Variants in CADM2 observed in about 807,000 individuals in gnomAD.
CADM2 encodes the protein cell adhesion molecule 2.
In CADM2, 12 loss-of-function variants were observed where a neutral mutation model predicts 49.8. The observed-to-expected ratio is 0.24, with a 90% CI of 0.15 to 0.39. The LOEUF is 0.39. Ranked by LOEUF, CADM2 falls within the 10% of genes least tolerant of loss-of-function variation. CADM2 has a pLI of 1.00. For synonymous variants in CADM2, 214 were observed against 175.4 expected, an observed-to-expected ratio of 1.22 and a Z score of -1.74; for missense variants, 378 against 492.3, an observed-to-expected ratio of 0.77 and a Z score of 2.20.
At chr3:86,059,859 T>G (rs1476378780) in intron 8 of CADM2, among the ~76,000 whole-genome samples, 2 of 152,134 alleles carry the variant, frequency 1.3e-5, no homozygotes, top group Non-Finnish European at 2.9e-5. Context: ...GGAGAGGCTC[T>G]TAGTTCTAAC....
chr3:85,126,293 C>G (rs890220161), intron 1 of CADM2, among the ~76,000 whole-genome samples: 3 of 152,024 alleles, frequency 2.0e-5, no homozygotes, highest in Admixed American at 6.6e-5. Flanking sequence ...GTGTGAGGCT[C>G]TGTTCTAGGA....
At chr3:85,224,796 A>T (rs917226007) in intron 1 of CADM2, among the ~76,000 whole-genome samples, 1 of 152,078 alleles carries the variant, frequency 6.6e-6, no homozygotes, top group South Asian at 2.1e-4. Context: ...TAAGGAAGGG[A>T]TCCAGTTTCA....
intron 8 of CADM2, chr3:86,013,878 C>G (rs1202535069): frequency 6.3e-7 from 1 of 1,594,404 alleles, no homozygotes; most frequent in Non-Finnish European, 8.6e-7. Context: ...TGCTTCTAGA[C>G]TTTTAGAAAA....
intron 1 of CADM2, among the ~76,000 whole-genome samples, chr3:85,561,223 A>C (rs2062087748): frequency 8.7e-6 from 1 of 114,438 alleles, no homozygotes; most frequent in Non-Finnish European, 2.1e-5. Context: ...CTTGTCTGTG[A>C]CTATTTAACA....
rs147338799 is a variant in CADM2, at chr3:85,749,144, G to A, written c.88+22596G>A. On this transcript the variant is annotated intron_variant, in intron 2 of 9. Transcript: ENST00000383699. ...TAGTAAACAGAAAATGTCAGAACAG[G>A]TGTATACTTTTGAAACAAAAGAATT... Among the ~76,000 whole-genome samples, 88 of 151,830 alleles carry A rather than the reference G, an allele frequency of 5.8e-4. 1 individual carries two copies. The highest frequency in any genetic ancestry group is 4.3e-4 in the Non-Finnish European group (29 of 67,956).
chr3:85,791,566 G>C (rs1020899218), intron 2 of CADM2, among the ~76,000 whole-genome samples: 2 of 150,852 alleles, frequency 1.3e-5, no homozygotes, highest in African/African-American at 4.9e-5. Context: ...GAGAGAGAGA[G>C]AGAGAGAAAA....
At chr3:85,148,953 C>T (rs1018197690) in intron 1 of CADM2, among the ~76,000 whole-genome samples, 3 of 151,984 alleles carry the variant, frequency 2.0e-5, no homozygotes, top group African/African-American at 2.4e-5. Context: ...TAAGTGGACA[C>T]GTGCAGTTCA....
chr3:85,213,873 G>A (rs376266760), intron 1 of CADM2, among the ~76,000 whole-genome samples: 1 of 152,088 alleles, frequency 6.6e-6, no homozygotes. Context: ...ACACTCTTCA[G>A]TATGTCACTT....
Position 84,959,000 on chromosome 3 carries a change from G to A in CADM2, c.-608G>A, listed in dbSNP as rs550687090. The A allele has an allele frequency of 1.0e-5, 2 of 200,264 alleles. No individual in the cohort carries two copies. The highest frequency in any genetic ancestry group is 1.8e-4 in the East Asian group (1 of 5,714). 12.4% of individuals were successfully genotyped at this position (200,264 alleles called of 1,614,324 possible). ...GTGTCTGGTGCTTCGTAGAGCTGCC[G>A]CCGTCGCCGCTGCCGCTGCCGCCAC... On this transcript the variant is annotated 5_prime_UTR_variant, in exon 1 of 10. Coordinates refer to ENST00000383699, the MANE Select transcript of CADM2 (RefSeq NM_001167675.2).
At chr3:85,470,743 G>C (rs1296109726) in intron 1 of CADM2, among the ~76,000 whole-genome samples, 2 of 151,970 alleles carry the variant, frequency 1.3e-5, no homozygotes, top group Non-Finnish European at 1.5e-5. Flanking sequence ...GCACAAACAG[G>C]GAAACTATTT....
intron 1 of CADM2, among the ~76,000 whole-genome samples, chr3:85,355,912 A>G (rs2031817168): frequency 6.6e-6 from 1 of 152,070 alleles, no homozygotes; most frequent in African/African-American, 2.4e-5. Flanking sequence ...TTGTTGTAAT[A>G]TGAGCTGGAA....
At chr3:85,177,777 G>A (rs932326233) in intron 1 of CADM2, among the ~76,000 whole-genome samples, 1 of 151,798 alleles carries the variant, frequency 6.6e-6, no homozygotes, top group African/African-American at 2.4e-5. Flanking sequence ...ATACAATACT[G>A]TTGGATGAGT....
intron 1 of CADM2, among the ~76,000 whole-genome samples, chr3:85,395,163 T>C (rs1034165141): frequency 3.3e-5 from 5 of 151,804 alleles, no homozygotes; most frequent in Non-Finnish European, 5.9e-5. Context: ...CCAGGTGTAT[T>C]GGTGCATACC....
chr3:85,387,268 T>A (rs989722699), intron 1 of CADM2, among the ~76,000 whole-genome samples: 1 of 152,172 alleles, frequency 6.6e-6, no homozygotes, highest in Non-Finnish European at 1.5e-5. Context: ...TTGCATGGGA[T>A]ATTCACTGGA....
At chr3:85,612,723 T>C (rs981779483) in intron 1 of CADM2, among the ~76,000 whole-genome samples, 2 of 151,810 alleles carry the variant, frequency 1.3e-5, no homozygotes, top group African/African-American at 2.4e-5. Context: ...AACTTAGTAA[T>C]ATGTTTGTCA....
chr3:85,294,602 A>G (rs889375676), intron 1 of CADM2, among the ~76,000 whole-genome samples: 5 of 152,030 alleles, frequency 3.3e-5, no homozygotes, highest in Admixed American at 6.6e-5. Flanking sequence ...ATATAGATCA[A>G]TGGAACAGAA....
intron 1 of CADM2, among the ~76,000 whole-genome samples, chr3:85,569,219 CT>C (rs371449688): frequency 6.6e-6 from 1 of 151,354 alleles, no homozygotes; most frequent in Non-Finnish European, 1.5e-5. Context: ...CTTTTAGATT[CT>C]TTTTTTTTCC....
chr3:85,206,904 A>T (rs1230826392), intron 1 of CADM2, among the ~76,000 whole-genome samples: 8 of 152,082 alleles, frequency 5.3e-5, no homozygotes, highest in Non-Finnish European at 1.2e-4. Flanking sequence ...ATAATATTGG[A>T]AATGGTTTGG....
chr3:85,926,030 G>T (rs143810737), intron 6 of CADM2, among the ~76,000 whole-genome samples: 1 of 151,786 alleles, frequency 6.6e-6, no homozygotes, highest in African/African-American at 2.4e-5. Context: ...CCAGCTACTC[G>T]GGAGGCTGAG....
Sources: gnomAD v4.1 joint callset for allele counts (sites outside exome capture counted in the v4.1 genomes callset) on GRCh38, gnomAD v4.1.1 for gene constraint, MANE v1.5 for transcripts, NCBI Gene and HGNC (gene_info 2026-07-23, HGNC 2026-07-21) for gene names.